The following GRIA1 variants were observed in gnomAD, a reference collection of about 807,000 sequenced individuals.
The protein encoded by GRIA1 is glutamate ionotropic receptor AMPA type subunit 1.
GRIA1 carries 31 observed loss-of-function variants against 99.2 expected under a neutral mutation model. The ratio of observed to expected loss-of-function variants is 0.31; its 90% CI spans 0.23 to 0.42. The LOEUF is 0.42. GRIA1 is among the 10% of genes least tolerant of loss of function. The pLI is 1.00. For synonymous variants in GRIA1, 438 were observed against 432.4 expected (o/e 1.01, Z -0.16); for missense variants, 782 against 1,157.5 (o/e 0.68, Z 4.71).
chr5:153,547,104 C>G (rs1414404544), intron 2 of GRIA1, among the ~76,000 whole-genome samples: 2 of 152,174 alleles, frequency 1.3e-5, no homozygotes, highest in Non-Finnish European at 2.9e-5. Context: ...GCATGCAGCC[C>G]AACACGGCTT....
chr5:153,566,994 G>A (rs1163805646), intron 2 of GRIA1, among the ~76,000 whole-genome samples: 3 of 152,204 alleles, frequency 2.0e-5, no homozygotes, highest in Non-Finnish European at 4.4e-5. Flanking sequence ...TGGGATTACA[G>A]GCATGAGCCA....
chr5:153,649,074 A>G (rs1754357800), intron 3 of GRIA1, among the ~76,000 whole-genome samples: 1 of 152,164 alleles, frequency 6.6e-6, no homozygotes, highest in African/African-American at 2.4e-5. Context: ...AAAGACGACC[A>G]CCATTACTGG....
At chr5:153,749,477 C>T (rs952955814) in intron 11 of GRIA1, among the ~76,000 whole-genome samples, 8 of 152,078 alleles carry the variant, frequency 5.3e-5, no homozygotes, top group Non-Finnish European at 1.0e-4. Flanking sequence ...CTCCCACTCA[C>T]GGAGGAAGGC....
At chr5:153,505,550 T>G (rs1350670268) in intron 2 of GRIA1, among the ~76,000 whole-genome samples, 1 of 152,222 alleles carries the variant, frequency 6.6e-6, no homozygotes, top group East Asian at 1.9e-4. Flanking sequence ...AGACTAAAGT[T>G]TGAAGCAGAG....
chr5:153,687,523 G>A (rs1353495151), intron 8 of GRIA1, among the ~76,000 whole-genome samples: 1 of 152,152 alleles, frequency 6.6e-6, no homozygotes, highest in Non-Finnish European at 1.5e-5. Context: ...TGCCTGTGCT[G>A]TCAGATAACC....
intron 2 of GRIA1, among the ~76,000 whole-genome samples, chr5:153,543,543 A>G (rs968023620): frequency 1.3e-5 from 2 of 152,176 alleles, no homozygotes; most frequent in Admixed American, 1.3e-4. Context: ...GTCATCATAT[A>G]TATGTAAAGT....
intron 15 of GRIA1, among the ~76,000 whole-genome samples, chr5:153,803,864 G>A (rs139769450): frequency 3.3e-4 from 50 of 152,110 alleles, no homozygotes; most frequent in African/African-American, 1.1e-3. Context: ...ACACACCTCC[G>A]GGGTCGCCCT....
intron 11 of GRIA1, among the ~76,000 whole-genome samples, chr5:153,737,834 G>A (rs777303541): frequency 5.3e-5 from 8 of 152,188 alleles, no homozygotes; most frequent in Non-Finnish European, 1.0e-4. Context: ...GGTTAATGCA[G>A]CTGCTCCCCA....
intron 14 of GRIA1, among the ~76,000 whole-genome samples, chr5:153,798,747 C>T (rs564307802): frequency 7.2e-5 from 11 of 152,268 alleles, no homozygotes; most frequent in African/African-American, 2.6e-4. Context: ...TAGCTCAGAC[C>T]TCCTCATGAA....
chr5:153,648,366 A>AC (rs1754309356), intron 3 of GRIA1, among the ~76,000 whole-genome samples: 1 of 152,102 alleles, frequency 6.6e-6, no homozygotes, highest in Non-Finnish European at 1.5e-5. Context: ...AAGCCAGAAA[A>AC]ATGTACCTTT....
chr5:153,650,608 A>G, intron 4 of GRIA1, 94 bp downstream of exon 4: 1 of 1,229,778 alleles, frequency 8.1e-7, no homozygotes, highest in Non-Finnish European at 1.1e-6. Flanking sequence ...AGAGGGTTAT[A>G]AAGAGGGTTC....
At chr5:153,492,067 G>A in intron 1 of GRIA1, 1 of 1,263,124 alleles carries the variant, frequency 7.9e-7, no homozygotes, top group Non-Finnish European at 1.0e-6. Flanking sequence ...TCGTTGGTTT[G>A]GTTTCTAGTC....
At chr5:153,694,313 T>G (rs1157457053) in intron 8 of GRIA1, among the ~76,000 whole-genome samples, 1 of 152,232 alleles carries the variant, frequency 6.6e-6, no homozygotes, top group Non-Finnish European at 1.5e-5. Context: ...GGCAGTTTTA[T>G]AATTTTTAAA....
intron 5 of GRIA1, among the ~76,000 whole-genome samples, chr5:153,668,148 A>T (rs1051669799): frequency 3.1e-4 from 47 of 150,758 alleles, no homozygotes; most frequent in African/African-American, 1.1e-3. Context: ...GGTTTGTTTT[A>T]CCTCCTACAG....
At chr5:153,635,960 C>A (rs538084435) in intron 2 of GRIA1, among the ~76,000 whole-genome samples, 1 of 152,316 alleles carries the variant, frequency 6.6e-6, no homozygotes, top group African/African-American at 2.4e-5. Context: ...TGTCCTTGTG[C>A]CAACATGTTA....
chr5:153,499,613 CAAAAAAA>C (rs70976100), intron 2 of GRIA1, among the ~76,000 whole-genome samples: 2 of 42,126 alleles, frequency 4.7e-5, no homozygotes, highest in African/African-American at 9.3e-5. Context: ...GAATTTGTCT[CAAAAAAA>C]AAAAAAAAAA....
At chr5:153,691,391 A>G (rs1351545810) in intron 8 of GRIA1, among the ~76,000 whole-genome samples, 2 of 152,190 alleles carry the variant, frequency 1.3e-5, no homozygotes, top group Non-Finnish European at 2.9e-5. Context: ...GTCTTTTCCC[A>G]TCACCATTGT....
chr5:153,770,411 C>T lies in GRIA1; in HGVS notation c.2266C>T (p.Leu756=). ...CATTGCAACACCCAAGGGGTCTGCC[C>T]TGAGGTAAGTAGCCAAGATTTGCTT... ...YGIATPKGSA[L]RNPVNLAVLK... Residue 756 remains leucine (L), a synonymous_variant, in exon 13 of 16, where the codon CTG becomes TTG. Transcript: ENST00000285900. The T allele has an allele frequency of 6.2e-7, 1 of 1,611,436 alleles. No homozygotes were observed. Among genetic ancestry groups the T allele is most frequent in the Non-Finnish European group, 8.5e-7 (1 of 1,177,896 alleles).
In GRIA1 at chr5:153,811,504, C is replaced by T; in HGVS notation, c.*279C>T. ...GGAGAGTAACCCTGTCTAATGAAACCTGTGTCTCTGAGAGTAGAGTCACTG... is the reference window on the plus strand; with the variant it reads ...GGAGAGTAACCCTGTCTAATGAAACTTGTGTCTCTGAGAGTAGAGTCACTG... On this transcript the variant is annotated 3_prime_UTR_variant, in exon 16 of 16. Coordinates refer to ENST00000285900, the MANE Select transcript of GRIA1 (RefSeq NM_000827.4). 2 of 382,456 alleles carry T rather than the reference C, an allele frequency of 5.2e-6. No individual in the cohort carries two copies. Among genetic ancestry groups the T allele is most frequent in the Non-Finnish European group, 9.9e-6 (2 of 202,920 alleles). The allele number at this position is 382,456 out of a possible 1,614,324, so 23.7% of individuals were successfully genotyped here. A position where few individuals can be genotyped will look rare whatever the true frequency, so the allele number is the denominator to read the frequency against.
Sources: allele counts gnomAD v4.1 joint callset (sites outside exome capture counted in the v4.1 genomes callset), GRCh38; gene constraint gnomAD v4.1.1; transcripts MANE v1.5; gene names NCBI Gene and HGNC (gene_info 2026-07-23, HGNC 2026-07-21).